Variants in ADGRB3 observed in about 807,000 individuals in gnomAD.
ADGRB3 encodes the protein brain-specific angiogenesis inhibitor 3.
In ADGRB3, 37 loss-of-function variants were observed where a neutral mutation model predicts 193.4. The observed-to-expected ratio is 0.19, with a 90% confidence interval of 0.15 to 0.25. ADGRB3 has a LOEUF of 0.25. ADGRB3 is among the 10% of genes least tolerant of loss of function. The pLI, the probability that ADGRB3 is intolerant of heterozygous loss-of-function variation, is 1.00. For synonymous variants in ADGRB3, 690 were observed against 644.2 expected (o/e 1.07, Z -1.08); for missense variants, 1,637 against 1,852.9 (o/e 0.88, Z 2.14).
chr6:68,981,110 T>C (rs1391509590), intron 10 of ADGRB3, among the ~76,000 whole-genome samples: 2 of 151,676 alleles, frequency 1.3e-5, no homozygotes, highest in Non-Finnish European at 3.0e-5. Flanking sequence ...TGCCTTTTAA[T>C]TCTTGTCACC....
At chr6:69,332,530 C>T (rs2031896) in intron 23 of ADGRB3, 179,242 of 985,160 alleles carry the variant, frequency 0.18, 16,950 homozygotes, top group African/African-American at 0.26. Flanking sequence ...ACCCTAACCT[C>T]ATACTCTAAG....
At chr6:68,902,430 C>A (rs1766421797) in intron 3 of ADGRB3, among the ~76,000 whole-genome samples, 1 of 151,934 alleles carries the variant, frequency 6.6e-6, no homozygotes, top group Non-Finnish European at 1.5e-5. Flanking sequence ...AGACTAGAAA[C>A]TGATTTCTTC....
intron 17 of ADGRB3, among the ~76,000 whole-genome samples, chr6:69,115,448 G>A (rs1018705762): frequency 2.0e-5 from 3 of 152,088 alleles, no homozygotes; most frequent in Admixed American, 1.3e-4. Context: ...CCAGACTGGG[G>A]GATCGGGGGT....
intron 8 of ADGRB3, among the ~76,000 whole-genome samples, chr6:68,970,848 T>A (rs1768540390): frequency 6.6e-6 from 1 of 152,152 alleles, no homozygotes; most frequent in South Asian, 2.1e-4. Flanking sequence ...GGAGGTAAAA[T>A]CATGGAAGGT....
intron 17 of ADGRB3, among the ~76,000 whole-genome samples, chr6:69,209,696 T>G (rs760979841): frequency 1.3e-5 from 2 of 152,194 alleles, no homozygotes; most frequent in Non-Finnish European, 2.9e-5. Context: ...TTGCTTCTGG[T>G]GGGCCTTATG....
Position 68,934,740 on chromosome 6 carries a change from T to C in ADGRB3, c.869-1779T>C, listed in dbSNP as rs1162041540. Among the ~76,000 whole-genome samples the C allele has an allele frequency of 2.0e-5, 3 of 152,324 alleles. No homozygotes were observed. In the East Asian group the frequency reaches 5.8e-4, roughly 29 times the overall value. ...CACATATATGTGGATTTTTTAACTA[T>C]TATCCTTCTATTTGGTTTATAGAAT... On this transcript the variant is annotated intron_variant, in intron 4 of 31. Transcript: ENST00000370598.
At chr6:69,064,511 TG>T (rs1263324038) in intron 16 of ADGRB3, among the ~76,000 whole-genome samples, 1 of 152,086 alleles carries the variant, frequency 6.6e-6, no homozygotes, top group Non-Finnish European at 1.5e-5. Context: ...TTCACTGCAC[TG>T]AGAACTGGGA....
At chr6:68,947,611 G>T (rs536119110) in intron 6 of ADGRB3, among the ~76,000 whole-genome samples, 10 of 152,232 alleles carry the variant, frequency 6.6e-5, no homozygotes, top group African/African-American at 2.4e-4. Flanking sequence ...TTTTGCAAGA[G>T]AACACATATT....
At chr6:69,273,693 A>G (rs931932395) in intron 20 of ADGRB3, among the ~76,000 whole-genome samples, 2 of 152,204 alleles carry the variant, frequency 1.3e-5, no homozygotes, top group African/African-American at 4.8e-5. Context: ...GTGCCTCCGT[A>G]AAACCAGTAA....
chr6:69,156,860 A>G (rs1247332629), intron 17 of ADGRB3, among the ~76,000 whole-genome samples: 1 of 152,226 alleles, frequency 6.6e-6, no homozygotes, highest in Non-Finnish European at 1.5e-5. Context: ...CAAATGAAGA[A>G]ACTAAACCTC....
At chr6:68,952,389 T>C (rs1767952926) in intron 6 of ADGRB3, among the ~76,000 whole-genome samples, 1 of 152,174 alleles carries the variant, frequency 6.6e-6, no homozygotes, top group South Asian at 2.1e-4. Flanking sequence ...TTTATATATA[T>C]ATAGTCTGTT....
At chr6:69,213,057 T>C (rs1300764697) in intron 17 of ADGRB3, among the ~76,000 whole-genome samples, 1 of 152,172 alleles carries the variant, frequency 6.6e-6, no homozygotes. Flanking sequence ...CGGCTATAGA[T>C]GAAGTATTCA....
chr6:68,744,324 T>TTCTA (rs1211049082), intron 3 of ADGRB3, among the ~76,000 whole-genome samples: 1 of 152,154 alleles, frequency 6.6e-6, no homozygotes, highest in African/African-American at 2.4e-5. Context: ...TGGAAGACAG[T>TTCTA]GTGGCAATTC....
chr6:68,931,700 C>G (rs954314154), intron 4 of ADGRB3, among the ~76,000 whole-genome samples: 2 of 152,048 alleles, frequency 1.3e-5, no homozygotes, highest in Admixed American at 1.3e-4. Flanking sequence ...GTTTTTAGAA[C>G]AGTAGATCTG....
chr6:68,746,543 C>T (rs1192702558), intron 3 of ADGRB3, among the ~76,000 whole-genome samples: 2 of 151,896 alleles, frequency 1.3e-5, no homozygotes, highest in Non-Finnish European at 2.9e-5. Context: ...GAATTCATCC[C>T]ATTGTGACTT....
chr6:69,287,799 G>A (rs752348547), intron 20 of ADGRB3, among the ~76,000 whole-genome samples: 3 of 152,140 alleles, frequency 2.0e-5, no homozygotes, highest in Non-Finnish European at 4.4e-5. Flanking sequence ...AGTGACTTAC[G>A]TAAATTACCT....
intron 3 of ADGRB3, among the ~76,000 whole-genome samples, chr6:68,899,645 T>A (rs527486531): frequency 1.3e-5 from 2 of 152,212 alleles, no homozygotes; most frequent in East Asian, 3.9e-4. Context: ...GGCTGCATAG[T>A]ATTCCATGGT....
intron 16 of ADGRB3, among the ~76,000 whole-genome samples, chr6:69,069,534 C>T (rs1002383175): frequency 6.6e-4 from 69 of 105,194 alleles, no homozygotes; most frequent in African/African-American, 2.0e-3. Context: ...AGGGTGAAAC[C>T]CCGTCTCTAC....
intron 20 of ADGRB3, among the ~76,000 whole-genome samples, chr6:69,264,915 TC>T (rs1475184065): frequency 6.6e-6 from 1 of 151,932 alleles, no homozygotes; most frequent in Non-Finnish European, 1.5e-5. Context: ...AGAAATATAG[TC>T]CCATTGGTTT....
Sources: gnomAD v4.1 joint callset for allele counts (sites outside exome capture counted in the v4.1 genomes callset) on GRCh38, gnomAD v4.1.1 for gene constraint, MANE v1.5 for transcripts, NCBI Gene and HGNC (gene_info 2026-07-23, HGNC 2026-07-21) for gene names.